The following ZC3H11A variants were observed in gnomAD, a reference collection of about 807,000 sequenced individuals.
The protein encoded by ZC3H11A is zinc finger CCCH domain-containing protein 11A.
ZC3H11A carries 22 observed loss-of-function variants against 90.8 expected under a neutral mutation model. The observed-to-expected ratio is 0.24, with a 90% confidence interval of 0.17 to 0.35. The LOEUF is 0.35. ZC3H11A is among the 10% of genes least tolerant of loss of function. The pLI, the probability that ZC3H11A is intolerant of heterozygous loss-of-function variation, is 1.00. For synonymous variants in ZC3H11A, 294 were observed against 339.8 expected, an observed-to-expected ratio of 0.87 and a Z score of 1.48; for missense variants, 701 against 964.9, an observed-to-expected ratio of 0.73 and a Z score of 3.62.
chr1:203,815,580 T>C (rs575515283), intron 2 of ZC3H11A, among the ~76,000 whole-genome samples: 21 of 152,108 alleles, frequency 1.4e-4, no homozygotes, highest in Admixed American at 2.6e-4. Flanking sequence ...TTTAATACTT[T>C]TACATATTAT....
rs1000067608 is a variant in ZC3H11A, at chr1:203,834,155, C to T, written c.874+302C>T. 10 of 889,730 alleles carry T rather than the reference C, an allele frequency of 1.1e-5. No homozygotes were observed. In the South Asian group the frequency reaches 1.6e-4, roughly 14 times the overall value. 55.1% of individuals were successfully genotyped at this position (889,730 alleles called of 1,614,324 possible). ...AAATTTAAATGTGAGTTTTTAGAGG[C>T]GAGAAAAATGATTGGTTAATATAAT... On this transcript the variant is annotated intron_variant, in intron 10 of 17. Coordinates refer to ENST00000367210, the MANE Select transcript of ZC3H11A (RefSeq NM_001376342.1).
intron 3 of ZC3H11A, 142 bp from the exon 4 acceptor site, chr1:203,818,428 C>T (rs1347439207): frequency 2.7e-6 from 3 of 1,099,844 alleles, no homozygotes; most frequent in South Asian, 3.1e-5. Context: ...TTGTTCCTGT[C>T]ATTCCATGTC....
chr1:203,797,295 A>G, intron 1 of ZC3H11A: 1 of 361,164 alleles, frequency 2.8e-6, no homozygotes, highest in South Asian at 5.4e-5. Flanking sequence ...AACTTAGAAA[A>G]TTGGAAGGGA....
In ZC3H11A at chr1:203,853,657, G is replaced by C. The variant is rs1689682006; in HGVS notation, c.*1258G>C. 6.6e-6 allele frequency: 1 copy of C among 152,596 alleles called. No homozygotes were observed. Among genetic ancestry groups the C allele is most frequent in the Non-Finnish European group, 1.5e-5 (1 of 68,046 alleles). 9.5% of individuals were successfully genotyped at this position (152,596 alleles called of 1,614,324 possible). A position where few individuals can be genotyped will look rare whatever the true frequency, so the allele number is the denominator to read the frequency against. On this transcript the variant is annotated 3_prime_UTR_variant, in exon 18 of 18. Coordinates refer to ENST00000367210, the MANE Select transcript of ZC3H11A (RefSeq NM_001376342.1). The stretch of plus-strand genomic sequence containing the variant: ...GAAATCTGACCCACCTGTCATGTTG[G>C]CTCCTAAGGAACTGCTGTTGTAAGC...
At chr1:203,843,926 C>G (rs558246038) in intron 12 of ZC3H11A, among the ~76,000 whole-genome samples, 47 of 151,952 alleles carry the variant, frequency 3.1e-4, no homozygotes, top group African/African-American at 1.1e-3. Flanking sequence ...GGTGCGATCT[C>G]GGCTCACTGC....
intron 6 of ZC3H11A, 28 bp from the exon 7 acceptor site, chr1:203,829,752 T>G (rs368332657): frequency 6.2e-7 from 1 of 1,612,914 alleles, no homozygotes. Flanking sequence ...TTTTTAATTG[T>G]GAATTTGCCT....
At chr1:203,832,342 T>C (rs1456259174) in intron 9 of ZC3H11A, among the ~76,000 whole-genome samples, 1 of 152,026 alleles carries the variant, frequency 6.6e-6, no homozygotes, top group Non-Finnish European at 1.5e-5. Flanking sequence ...ATTACAGGTG[T>C]GAGCCACCGT....
chr1:203,847,168 T>A lies in ZC3H11A; in HGVS notation c.1043-16T>A, dbSNP rs780685050. On this transcript the variant is annotated splice_polypyrimidine_tract_variant and intron_variant, in intron 12 of 17. Transcript: ENST00000367210. ...AACTTCAAGTATAATGACATGTTTT[T>A]CTCCTGTGAAAACAGATAAAGTTAA... The A allele has an allele frequency of 6.2e-7, 1 of 1,610,904 alleles. No individual in the cohort carries two copies. The highest frequency in any genetic ancestry group is 8.5e-7 in the Non-Finnish European group (1 of 1,179,138).
Position 203,838,081 on chromosome 1 carries a change from A to ATAC in ZC3H11A, c.973+19_973+21dup, listed in dbSNP as rs1327933533. On this transcript the variant is annotated intron_variant, in intron 11 of 17. Coordinates refer to ENST00000367210, the MANE Select transcript of ZC3H11A (RefSeq NM_001376342.1). Reference sequence around the variant, plus strand: ...CAAAGAAAGGTACCTGTGTTCTTACATACTTTGTGTGTGTATGTAATTATG... The same window carrying ATAC: ...CAAAGAAAGGTACCTGTGTTCTTACATACTACTTTGTGTGTGTATGTAATTATG... 5 of 1,611,392 alleles carry ATAC rather than the reference A, an allele frequency of 3.1e-6. No individual in the cohort carries two copies. The highest frequency in any genetic ancestry group is 1.7e-5 in the Admixed American group (1 of 59,752).
At chr1:203,831,293 G>C (rs991220882) in intron 8 of ZC3H11A, among the ~76,000 whole-genome samples, 5 of 152,082 alleles carry the variant, frequency 3.3e-5, no homozygotes, top group Non-Finnish European at 5.9e-5. Flanking sequence ...AGCAACCTTG[G>C]AGTTGTGTTT....
chr1:203,850,068 T>G, intron 15 of ZC3H11A, 42 bp downstream of exon 15: 1 of 1,585,158 alleles, frequency 6.3e-7, no homozygotes, highest in Non-Finnish European at 8.6e-7. Context: ...GTTATCAAAA[T>G]TACCAAATTC....
intron 12 of ZC3H11A, among the ~76,000 whole-genome samples, chr1:203,842,182 A>T (rs1686558445): frequency 6.6e-6 from 1 of 151,828 alleles, no homozygotes; most frequent in Non-Finnish European, 1.5e-5. Flanking sequence ...GACGCTCCTC[A>T]CTTCCCAGAC....
intron 4 of ZC3H11A, among the ~76,000 whole-genome samples, chr1:203,819,513 T>C (rs1474924265): frequency 1.2e-4 from 17 of 140,504 alleles, no homozygotes; most frequent in African/African-American, 1.8e-4. Flanking sequence ...TGAGCCACCG[T>C]GCCCAGCTGA....
At chr1:203,796,411 G>T in intron 1 of ZC3H11A, 1 of 398,962 alleles carries the variant, frequency 2.5e-6, no homozygotes, top group East Asian at 3.6e-5. Flanking sequence ...CCTCAGCGTC[G>T]GAGTCAAGAG....
chr1:203,829,739 G>A (rs147876400), intron 6 of ZC3H11A, 41 bp from the exon 7 acceptor site: 46 of 1,611,208 alleles, frequency 2.9e-5, no homozygotes, highest in Admixed American at 6.7e-5. Context: ...AGCTATAGGC[G>A]TATTTTTAAT....
At chr1:203,850,344 A>G in intron 15 of ZC3H11A, 171 bp from the exon 16 acceptor site, 1 of 917,296 alleles carries the variant, frequency 1.1e-6, no homozygotes, top group Non-Finnish European at 1.7e-6. Flanking sequence ...GACCACCTGT[A>G]GTGACCACCA....
At chr1:203,812,732 C>T (rs1674941904) in intron 2 of ZC3H11A, among the ~76,000 whole-genome samples, 1 of 151,928 alleles carries the variant, frequency 6.6e-6, no homozygotes, top group South Asian at 2.1e-4. Flanking sequence ...CAGGTGTGTG[C>T]TACCACGGCC....
intron 4 of ZC3H11A, among the ~76,000 whole-genome samples, chr1:203,827,755 T>C (rs1681048617): frequency 6.6e-6 from 1 of 152,132 alleles, no homozygotes; most frequent in African/African-American, 2.4e-5. Flanking sequence ...GGTGCCTTAC[T>C]TTGAGAATTC....
chr1:203,843,474 C>CTGTGAGCTT (rs1558140000), intron 12 of ZC3H11A, among the ~76,000 whole-genome samples: 1 of 152,186 alleles, frequency 6.6e-6, no homozygotes, highest in Non-Finnish European at 1.5e-5. Flanking sequence ...GGCTAACCTT[C>CTGTGAGCTT]TGTGAGCTTT....
Sources: allele counts gnomAD v4.1 joint callset (sites outside exome capture counted in the v4.1 genomes callset), GRCh38; gene constraint gnomAD v4.1.1; transcripts MANE v1.5; gene names NCBI Gene and HGNC (gene_info 2026-07-23, HGNC 2026-07-21).